The following SBNO2 variants were observed in gnomAD, a reference collection of about 807,000 sequenced individuals.
SBNO2 encodes the protein strawberry notch homolog 2.
In SBNO2, 89 loss-of-function variants were observed where a neutral mutation model predicts 146.3. The observed-to-expected ratio is 0.61, with a 90% confidence interval of 0.51 to 0.73. The LOEUF (loss-of-function observed/expected upper bound fraction) is 0.73. Among genes scored for constraint, SBNO2 ranks in the 30% least tolerant of loss-of-function variants. The probability of loss-of-function intolerance (pLI) is 0.00; values close to 1 mark genes in which losing one functional copy is unlikely to be tolerated. For missense variants in SBNO2, 2,092 were observed against 2,003.7 expected, an observed-to-expected ratio of 1.04 and a Z score of -0.84; for synonymous variants, 1,147 against 892.6, an observed-to-expected ratio of 1.29 and a Z score of -5.08.
At position 1,156,615 on chromosome 19, in the gene SBNO2, C is replaced by T. The variant is rs144155672; in HGVS notation, c.-126-2213G>A. ...AAGCAGCCCAGTGTCCACGGATAGGCGAGTGGACCAGCATGTGGCGTGGCC... is the reference window on the plus strand; with the variant it reads ...AAGCAGCCCAGTGTCCACGGATAGGTGAGTGGACCAGCATGTGGCGTGGCC... On this transcript the variant is annotated intron_variant, in intron 1 of 31. Coordinates refer to ENST00000361757, the MANE Select transcript of SBNO2 (RefSeq NM_014963.3). Among the ~76,000 whole-genome samples the T allele has an allele frequency of 1.5e-3, 236 of 152,260 alleles. 2 individuals carry two copies. The highest frequency in any genetic ancestry group is 5.4e-3 in the African/African-American group (226 of 41,534).
At chr19:1,129,678 G>A (rs1371579052) in intron 4 of SBNO2, among the ~76,000 whole-genome samples, 1 of 152,224 alleles carries the variant, frequency 6.6e-6, no homozygotes, top group Non-Finnish European at 1.5e-5. Flanking sequence ...CTCCGTGGAA[G>A]CATTTCCCGG....
Position 1,110,341 on chromosome 19 carries a change from C to T in SBNO2, c.3028+404G>A, listed in dbSNP as rs767014467. Among the ~76,000 whole-genome samples, 4 of 152,122 alleles carry T rather than the reference C, an allele frequency of 2.6e-5. No individual in the cohort carries two copies. Among genetic ancestry groups the T allele is most frequent in the South Asian group, 4.1e-4 (2 of 4,834 alleles). On this transcript the variant is annotated intron_variant, in intron 26 of 31. Transcript: ENST00000361757. The surrounding 1 kb of genome is among the most constrained non-coding windows in gnomAD (Gnocchi z 4.9). ...GTTCACAACAATGTAGCAGGTGCCC[C>T]GTGAAGCCTGGGGATGAGCATGGTG...
chr19:1,152,890 C>T (rs2080255562), intron 2 of SBNO2, among the ~76,000 whole-genome samples: 3 of 152,144 alleles, frequency 2.0e-5, no homozygotes, highest in African/African-American at 4.8e-5. Context: ...CGGTGGCTCA[C>T]GCCTGTAATC....
chr19:1,159,034 C>T lies in SBNO2; in HGVS notation c.-126-4632G>A, dbSNP rs575426251. Among the ~76,000 whole-genome samples the T allele has an allele frequency of 1.5e-3, 231 of 149,428 alleles. 1 individual carries two copies. The highest frequency in any genetic ancestry group is 5.7e-3 in the African/African-American group (222 of 38,922). ...GCGACCCCACCTGCAGCCATGACCC[C>T]ACCTGCAGCCATGACCCCACCTGCG... On this transcript the variant is annotated intron_variant, in intron 1 of 31. Transcript: ENST00000361757.
chr19:1,122,127 C>G lies in SBNO2; in HGVS notation c.1149+12G>C. 2 of 1,418,730 alleles carry G rather than the reference C, an allele frequency of 1.4e-6. No homozygotes were observed. The highest frequency in any genetic ancestry group is 1.9e-6 in the Non-Finnish European group (2 of 1,079,578). The allele number at this position is 1,418,730 out of a possible 1,614,324, so 87.9% of individuals were successfully genotyped here. On this transcript the variant is annotated intron_variant, in intron 11 of 31. Transcript: ENST00000361757. The stretch of plus-strand genomic sequence containing the variant: ...TCCAGCCCTCCCCTCCCGATTGCCC[C>G]CAGCAGGATACGACGCCCTCGAAGG...
chr19:1,112,078 T>C lies in SBNO2; in HGVS notation c.2629-11A>G, dbSNP rs1460798284. On this transcript the variant is annotated splice_polypyrimidine_tract_variant and intron_variant, in intron 22 of 31. Transcript: ENST00000361757. The surrounding 1 kb of genome is among the most constrained non-coding windows in gnomAD (Gnocchi z 5.9). ...GTGGGTCAGGGCCCCCTGCCAGGGG[T>C]GGGGAGGCCATCAGTTGGTCACCTG... is the stretch of plus-strand genomic sequence containing the variant. The C allele has an allele frequency of 6.2e-7, 1 of 1,611,148 alleles. No homozygotes were observed. Among genetic ancestry groups the C allele is most frequent in the Non-Finnish European group, 8.5e-7 (1 of 1,179,412 alleles).
intron 4 of SBNO2, among the ~76,000 whole-genome samples, chr19:1,135,304 G>GT (rs1317648774): frequency 6.6e-6 from 1 of 151,978 alleles, no homozygotes; most frequent in South Asian, 2.1e-4. Context: ...GGAAGCTGCA[G>GT]TAAGTTATGA....
Position 1,147,413 on chromosome 19 carries a change from T to C in SBNO2, c.175A>G (p.Met59Val). Residue 59 changes from methionine to valine, a missense_variant, in exon 4 of 32, where the codon ATG (methionine) becomes GTG (valine). Transcript: ENST00000361757. ...PAFSSDSRPF[M>V]SSASFLGSQP... is the part of the protein sequence containing the mutation. ...CTGCCGAGGAAGGAGGCGGAGCTCA[T>C]GAACGGGCTGGAGGGAGATGGGGGG... is the stretch of plus-strand genomic sequence containing the variant. 1.6e-6 allele frequency: 2 copies of C among 1,278,204 alleles called. No individual in the cohort carries two copies. The highest frequency in any genetic ancestry group is 1.0e-6 in the Non-Finnish European group (1 of 962,672). The allele number at this position is 1,278,204 out of a possible 1,614,324, so 79.2% of individuals were successfully genotyped here. A position where few individuals can be genotyped will look rare whatever the true frequency, so the allele number is the denominator to read the frequency against.
chr19:1,112,476 A>G lies in SBNO2; in HGVS notation c.2441T>C (p.Val814Ala). The G allele has an allele frequency of 6.2e-7, 1 of 1,607,486 alleles. No homozygotes were observed. The highest frequency in any genetic ancestry group is 1.1e-5 in the South Asian group (1 of 90,660). The change falls in exon 21 of 32, where the codon GTC (valine) becomes GCC (alanine). Residue 814 changes from valine (V) to alanine (A), a missense_variant. Physicochemically the swap from Val to Ala is moderately conservative, Grantham distance 64. Transcript: ENST00000361757. This position sits in a 1 kb window ranked among gnomAD's most constrained non-coding sequence, Gnocchi z 5.9. The stretch of plus-strand genomic sequence containing the variant: ...GTGCACGCGGCGCCGCTGGTTCTGG[A>G]CACGGCGGTCGGCTTGGAGGGAGAC... ...SGVSLQADRRVQNQRRRVHMT... is the reference protein window; with the variant it reads ...SGVSLQADRRAQNQRRRVHMT...
chr19:1,131,687 T>A (rs1456845849), intron 4 of SBNO2, among the ~76,000 whole-genome samples: 2 of 152,182 alleles, frequency 1.3e-5, no homozygotes, highest in African/African-American at 4.8e-5. Context: ...CCCCTCCACC[T>A]GAGGCTTCTC....
chr19:1,109,195 G>T lies in SBNO2; in HGVS notation c.3365C>A (p.Ala1122Asp). Residue 1122 changes from alanine (A) to aspartate (D), a missense_variant, in exon 30 of 32, where the codon GCC (alanine) becomes GAC (aspartate). Transcript: ENST00000361757. The surrounding 1 kb of genome is among the most constrained non-coding windows in gnomAD (Gnocchi z 4.2). ...RKFHRVTAEEAKEPWESGYAL... is the reference protein window; with the variant it reads ...RKFHRVTAEEDKEPWESGYAL... ...GTAGCCACTCTCCCAGGGCTCCTTG[G>T]CCTCCTCCGCGGTGACCTAGGGACA... 1 of 1,563,932 alleles carries T rather than the reference G, an allele frequency of 6.4e-7. No homozygotes were observed.
intron 14 of SBNO2, among the ~76,000 whole-genome samples, chr19:1,117,986 C>T (rs892970348): frequency 1.1e-4 from 16 of 152,336 alleles, no homozygotes; most frequent in Middle Eastern, 3.4e-3. Context: ...GGCCCCACCC[C>T]GGAGAGCAAC....
intron 2 of SBNO2, among the ~76,000 whole-genome samples, chr19:1,151,402 G>A (rs1480707912): frequency 2.6e-5 from 4 of 152,186 alleles, no homozygotes; most frequent in African/African-American, 9.6e-5. Flanking sequence ...GGGACGGGGG[G>A]AAAGTCCTGA....
Position 1,122,067 on chromosome 19 carries a change from A to C in SBNO2, c.1149+72T>G, listed in dbSNP as rs1373873075. On this transcript the variant is annotated intron_variant, in intron 11 of 31. Coordinates refer to ENST00000361757, the MANE Select transcript of SBNO2 (RefSeq NM_014963.3). ...CCCTGACTCCCACCCCTCCTCTCCCACTCCTCCATCCTCCTTTTCCCTCCG... is the reference window on the plus strand; with the variant it reads ...CCCTGACTCCCACCCCTCCTCTCCCCCTCCTCCATCCTCCTTTTCCCTCCG... 308 of 434,610 alleles carry C rather than the reference A, an allele frequency of 7.1e-4. No individual in the cohort carries two copies. The South Asian group carries it at 7.9e-3, about 11-fold the overall frequency. 26.9% of individuals were successfully genotyped at this position (434,610 alleles called of 1,614,324 possible).
Position 1,144,532 on chromosome 19 carries a change from G to A in SBNO2, c.279+2777C>T, listed in dbSNP as rs958695101. ...GAATTCATGAGACAGAGATGGAGACGGAGACAGAGACAGAGACATGGAGAG... is the reference window on the plus strand; with the variant it reads ...GAATTCATGAGACAGAGATGGAGACAGAGACAGAGACAGAGACATGGAGAG... On this transcript the variant is annotated intron_variant, in intron 4 of 31. Transcript: ENST00000361757. This position sits in a 1 kb window ranked among gnomAD's most constrained non-coding sequence, Gnocchi z 4.1. 2.0e-5 allele frequency among the ~76,000 whole-genome samples: 3 copies of A among 152,136 alleles called. No homozygotes were observed. The highest frequency in any genetic ancestry group is 2.4e-5 in the African/African-American group (1 of 41,490).
chr19:1,138,090 G>A (rs1369473766), intron 4 of SBNO2, among the ~76,000 whole-genome samples: 1 of 3,874 alleles, frequency 2.6e-4, no homozygotes, highest in African/African-American at 1.5e-3. Context: ...GCTGGGGTGC[G>A]GTGGGGGGAG....
At position 1,123,523 on chromosome 19, in the gene SBNO2, G is replaced by A. The variant is rs76541320; in HGVS notation, c.628+11C>T. The A allele has an allele frequency of 2.7e-3, 4,350 of 1,610,526 alleles. 85 individuals are homozygous for A. The African/African-American group carries it at 0.047, about 17-fold the overall frequency. Reference sequence around the variant, plus strand: ...ACCTGTCCCAGGGCTGGGTGCAGCCGGGCCACTCACACTTGGACGGCACGT... The same window carrying A: ...ACCTGTCCCAGGGCTGGGTGCAGCCAGGCCACTCACACTTGGACGGCACGT... On this transcript the variant is annotated intron_variant, in intron 7 of 31. Transcript: ENST00000361757.
intron 1 of SBNO2, among the ~76,000 whole-genome samples, chr19:1,165,755 C>CCCCAGATCTCAGACTCCAGACCGCAGAT (rs1245569968): frequency 2.4e-5 from 1 of 41,854 alleles, no homozygotes; most frequent in Non-Finnish European, 5.4e-5. Flanking sequence ...AGATCTCAGA[C>CCCCAGATCTCAGACTCCAGACCGCAGAT]CCCAGACCCC....
rs760971069 is a variant in SBNO2 at position 1,108,369 on chromosome 19, C to T, written c.3952G>A (p.Asp1318Asn). The part of the protein sequence containing the change: ...CDINFKEVLE[D>N]MLRSLHAGPP... The stretch of plus-strand genomic sequence containing the variant: ...CCCGCGTGCAGCGAGCGCAGCATGT[C>T]CTCCAGCACCTCCTTGAAGTTGATG... The change falls in exon 32 of 32, where the codon GAC becomes AAC. Residue 1318 changes from aspartate to asparagine, a missense_variant. Coordinates refer to ENST00000361757, the MANE Select transcript of SBNO2 (RefSeq NM_014963.3). 2.5e-5 allele frequency: 32 copies of T among 1,289,598 alleles called. No homozygotes were observed. Among genetic ancestry groups the T allele is most frequent in the African/African-American group, 4.8e-5 (3 of 62,036 alleles). The allele number at this position is 1,289,598 out of a possible 1,614,324, so 79.9% of individuals were successfully genotyped here.
Sources: allele counts gnomAD v4.1 joint callset (sites outside exome capture counted in the v4.1 genomes callset), GRCh38; gene constraint gnomAD v4.1.1; non-coding constraint Gnocchi (gnomAD v3.1); transcripts MANE v1.5; gene names NCBI Gene and HGNC (gene_info 2026-07-23, HGNC 2026-07-21).